The following ZDHHC5 variants were observed in gnomAD, a reference collection of about 807,000 sequenced individuals.
ZDHHC5 encodes the protein palmitoyltransferase ZDHHC5.
Under a neutral mutation model 70.0 loss-of-function variants are expected in ZDHHC5, and 22 were observed. The ratio of observed to expected loss-of-function variants is 0.31; its 90% confidence interval spans 0.22 to 0.45. ZDHHC5 has a LOEUF of 0.45. Ranked by LOEUF, ZDHHC5 falls within the 20% of genes least tolerant of loss-of-function variation. The pLI is 1.00. For synonymous variants in ZDHHC5, 313 were observed against 347.8 expected (o/e 0.90, Z 1.11); for missense variants, 746 against 926.9 (o/e 0.80, Z 2.53).
intron 4 of ZDHHC5, 77 bp from the exon 5 acceptor site, chr11:57,689,954 T>G: frequency 2.7e-6 from 4 of 1,494,604 alleles, no homozygotes; most frequent in Non-Finnish European, 3.6e-6. Context: ...TTAGCTGCCA[T>G]TTGTTTCTCT....
At position 57,676,909 on chromosome 11, in the gene ZDHHC5, ATTTTTTTTTTTTTTT is replaced by A. The variant is rs72474322; in HGVS notation, c.104+3731_104+3745del. On this transcript the variant is annotated intron_variant, in intron 2 of 11. Coordinates refer to ENST00000287169, the MANE Select transcript of ZDHHC5 (RefSeq NM_015457.3). ...CAGGATAAGATCTCTGCTTCACGTG[ATTTTTTTTTTTTTTT>A]TTTTTTTTTTTTTTTGAGATGGAGT... Among the ~76,000 whole-genome samples the A allele has an allele frequency of 7.4e-5, 6 of 80,984 alleles. No homozygotes were observed. In the Middle Eastern group the frequency reaches 0.021, roughly 289 times the overall value. 53.1% of individuals were successfully genotyped at this position (80,984 alleles called of 152,430 possible).
chr11:57,698,509 G>A (rs1454620871), intron 10 of ZDHHC5, 50 bp from the exon 11 acceptor site: 1 of 1,536,968 alleles, frequency 6.5e-7, no homozygotes, highest in African/African-American at 1.4e-5. Context: ...CTGGGGTCTA[G>A]CTTCTGTCAC....
intron 6 of ZDHHC5, among the ~76,000 whole-genome samples, chr11:57,692,299 G>A (rs1472642526): frequency 6.6e-6 from 1 of 152,172 alleles, no homozygotes; most frequent in Non-Finnish European, 1.5e-5. Context: ...GGGATTACAG[G>A]TGTGAGCTGC....
In ZDHHC5 at chr11:57,688,578, C is replaced by T. The variant is rs1946241571; in HGVS notation, c.297C>T (p.Ile99=). The change falls in exon 4 of 12, where the codon ATC becomes ATT. Residue 99 remains isoleucine, a synonymous_variant. Coordinates refer to ENST00000287169, the MANE Select transcript of ZDHHC5 (RefSeq NM_015457.3). ...ACAAAACAGTGGAGATAAAGGGCAT[C>T]CAGGTGCGCATGAAATGGTGTGCCA... ...PLYKTVEIKG[I]QVRMKWCATC... is the part of the protein sequence containing the mutation. The T allele has an allele frequency of 1.2e-6, 2 of 1,610,098 alleles. No individual in the cohort carries two copies. The highest frequency in any genetic ancestry group is 2.7e-5 in the African/African-American group (2 of 74,814).
intron 2 of ZDHHC5, chr11:57,681,846 G>T (rs906427793): frequency 6.6e-6 from 1 of 152,206 alleles, no homozygotes; most frequent in Non-Finnish European, 1.5e-5. Flanking sequence ...TGTTTTAAAA[G>T]AATTTCCCAA....
chr11:57,697,472 A>T (rs1246659437), intron 10 of ZDHHC5, among the ~76,000 whole-genome samples: 1 of 149,958 alleles, frequency 6.7e-6, no homozygotes, highest in Non-Finnish European at 1.5e-5. Flanking sequence ...CAAAAAAAAA[A>T]TAAATAAATA....
chr11:57,696,753 T>C lies in ZDHHC5; in HGVS notation c.1010-8T>C, dbSNP rs762952582. On this transcript the variant is annotated splice_polypyrimidine_tract_variant and splice_region_variant and intron_variant, in intron 9 of 11. Coordinates refer to ENST00000287169, the MANE Select transcript of ZDHHC5 (RefSeq NM_015457.3). ...AAAATAGTGCCCCCTTGGCCTTTTT[T>C]CTTGCAGATAGTAGCTTATTGGCCA... The C allele has an allele frequency of 6.2e-6, 10 of 1,613,234 alleles. No individual in the cohort carries two copies. Among genetic ancestry groups the C allele is most frequent in the South Asian group, 1.1e-5 (1 of 91,066 alleles).
chr11:57,675,837 G>A (rs143551768), intron 2 of ZDHHC5, among the ~76,000 whole-genome samples: 315 of 152,174 alleles, frequency 2.1e-3, no homozygotes, highest in Middle Eastern at 0.014. Flanking sequence ...TACCTCTTTC[G>A]AGGTTCAGTT....
intron 2 of ZDHHC5, among the ~76,000 whole-genome samples, chr11:57,675,695 T>G (rs188483452): frequency 7.2e-5 from 11 of 152,336 alleles, no homozygotes; most frequent in Admixed American, 5.2e-4. Flanking sequence ...CTGTTTATCT[T>G]ACTCTAGCAC....
intron 2 of ZDHHC5, among the ~76,000 whole-genome samples, chr11:57,678,054 ATTCAT>A (rs1265923885): frequency 2.0e-5 from 3 of 152,340 alleles, no homozygotes; most frequent in South Asian, 4.1e-4. Context: ...GAAGTGGAAC[ATTCAT>A]TTCAGCCTTC....
At chr11:57,689,812 G>A (rs1232511501) in intron 4 of ZDHHC5, among the ~76,000 whole-genome samples, 1 of 152,000 alleles carries the variant, frequency 6.6e-6, no homozygotes, top group Non-Finnish European at 1.5e-5. Flanking sequence ...AAGTAGCTGG[G>A]ACTACAAGTG....
intron 3 of ZDHHC5, 31 bp from the exon 4 acceptor site, chr11:57,688,477 G>A: frequency 6.6e-7 from 1 of 1,516,940 alleles, no homozygotes; most frequent in Non-Finnish European, 8.9e-7. Flanking sequence ...TTCTGGCATA[G>A]TTGTTTTTAA....
chr11:57,699,599 A>G (rs1470222051), intron 11 of ZDHHC5, among the ~76,000 whole-genome samples, 181 bp downstream of exon 11: 1 of 152,224 alleles, frequency 6.6e-6, no homozygotes, highest in African/African-American at 2.4e-5. Context: ...GAGACTGAAG[A>G]TTAATACTTT....
In ZDHHC5 at chr11:57,690,319, G is replaced by T. The variant is rs778047704; in HGVS notation, c.558-16G>T. 1 of 1,614,150 alleles carries T rather than the reference G, an allele frequency of 6.2e-7. No individual in the cohort carries two copies. Among genetic ancestry groups the T allele is most frequent in the South Asian group, 1.1e-5 (1 of 91,084 alleles). The stretch of plus-strand genomic sequence containing the variant: ...GAGGTCATGTTGCTCTGTTCTCCTT[G>T]ATTGTTTGGCATCAGAATGGCAGTA... On this transcript the variant is annotated splice_polypyrimidine_tract_variant and intron_variant, in intron 5 of 11. Coordinates refer to ENST00000287169, the MANE Select transcript of ZDHHC5 (RefSeq NM_015457.3).
chr11:57,671,145 A>C (rs1171289588), intron 1 of ZDHHC5, among the ~76,000 whole-genome samples: 1 of 152,138 alleles, frequency 6.6e-6, no homozygotes, highest in Non-Finnish European at 1.5e-5. Context: ...ACCTGAGGTG[A>C]TTCAGTGGAA....
Position 57,672,355 on chromosome 11 carries a change from C to T in ZDHHC5, c.-736C>T, listed in dbSNP as rs1946016928. ...CCTTCAAAGAAAAGGATTTACAGCTCAAACTTAGAACAGCTGTTGTCCAGC... is the reference window on the plus strand; with the variant it reads ...CCTTCAAAGAAAAGGATTTACAGCTTAAACTTAGAACAGCTGTTGTCCAGC... On this transcript the variant is annotated 5_prime_UTR_variant, in exon 2 of 12. It introduces an in-frame stop codon into an upstream open reading frame of the 5' UTR. Coordinates refer to ENST00000287169, the MANE Select transcript of ZDHHC5 (RefSeq NM_015457.3). The T allele has an allele frequency of 7.6e-6, 3 of 396,702 alleles. No individual in the cohort carries two copies. The highest frequency in any genetic ancestry group is 1.3e-5 in the Non-Finnish European group (3 of 225,482). 24.6% of individuals were successfully genotyped at this position (396,702 alleles called of 1,614,324 possible).
intron 6 of ZDHHC5, among the ~76,000 whole-genome samples, chr11:57,690,662 G>A (rs1445585257): frequency 6.6e-6 from 1 of 152,162 alleles, no homozygotes; most frequent in Non-Finnish European, 1.5e-5. Flanking sequence ...GGAATACTAT[G>A]CAGCCATAAA....
At chr11:57,689,119 AT>A (rs1435914911) in intron 4 of ZDHHC5, among the ~76,000 whole-genome samples, 1 of 152,006 alleles carries the variant, frequency 6.6e-6, no homozygotes, top group Non-Finnish European at 1.5e-5. Context: ...CTGGCTTTGC[AT>A]TTTCTCTTCC....
Position 57,672,511 on chromosome 11 carries a change from C to G in ZDHHC5, c.-580C>G, listed in dbSNP as rs1235073086. The G allele has an allele frequency of 2.9e-6, 1 of 339,630 alleles. No individual in the cohort carries two copies. The highest frequency in any genetic ancestry group is 5.3e-6 in the Non-Finnish European group (1 of 189,898). 21.0% of individuals were successfully genotyped at this position (339,630 alleles called of 1,614,324 possible). A position where few individuals can be genotyped will look rare whatever the true frequency, so the allele number is the denominator to read the frequency against. On this transcript the variant is annotated 5_prime_UTR_variant, in exon 2 of 12. Transcript: ENST00000287169. The stretch of plus-strand genomic sequence containing the variant: ...ACAAAGACTGCAGTAAACAAAGCTC[C>G]TCTTTAAAGTTGGAAGGGGCCTCAG...
Sources: allele counts gnomAD v4.1 joint callset (sites outside exome capture counted in the v4.1 genomes callset), GRCh38; gene constraint gnomAD v4.1.1; transcripts MANE v1.5; gene names NCBI Gene and HGNC (gene_info 2026-07-23, HGNC 2026-07-21).